The following ANKFN1 variants were observed in gnomAD, a reference collection of about 807,000 sequenced individuals.
ANKFN1 encodes ankyrin repeat and fibronectin type III domain containing 1, also known as ankyrin repeat and fibronectin type-III domain-containing protein 1.
A neutral mutation model predicts 108.7 loss-of-function variants in ANKFN1; 74 were observed. That is an observed-to-expected ratio of 0.68 (90% CI 0.56 to 0.83). ANKFN1 has a LOEUF of 0.83. ANKFN1 is among the 40% of genes least tolerant of loss of function. The pLI, the probability that ANKFN1 is intolerant of heterozygous loss-of-function variation, is 0.00. For synonymous variants in ANKFN1, 547 were observed against 516.2 expected (o/e 1.06, Z -0.81); for missense variants, 1,505 against 1,382.3 (o/e 1.09, Z -1.41).
chr17:56,206,674 A>G (rs1171832459), intron 1 of ANKFN1: 1 of 152,190 alleles, frequency 6.6e-6, no homozygotes, highest in Non-Finnish European at 1.5e-5. Context: ...ACCTGGGAGC[A>G]TAAATAATTG....
At chr17:56,482,097 A>G (rs1239451187) in intron 17 of ANKFN1, among the ~76,000 whole-genome samples, 1 of 152,186 alleles carries the variant, frequency 6.6e-6, no homozygotes, top group Non-Finnish European at 1.5e-5. Flanking sequence ...CATTTTGAAA[A>G]GCCCACAGAA....
intron 4 of ANKFN1, among the ~76,000 whole-genome samples, chr17:56,339,485 A>C (rs975604671): frequency 6.6e-6 from 1 of 151,962 alleles, no homozygotes; most frequent in Non-Finnish European, 1.5e-5. Flanking sequence ...GAAAGGCCCC[A>C]GTATCTCTTG....
chr17:56,483,961 T>C (rs1351619171), intron 18 of ANKFN1, among the ~76,000 whole-genome samples: 1 of 151,998 alleles, frequency 6.6e-6, no homozygotes, highest in Admixed American at 6.6e-5. Flanking sequence ...AAATTGGAAG[T>C]GTTAATATTG....
chr17:56,235,750 A>C (rs562416561), intron 3 of ANKFN1, among the ~76,000 whole-genome samples: 2 of 152,168 alleles, frequency 1.3e-5, no homozygotes, highest in Non-Finnish European at 2.9e-5. Context: ...TATTTTGGTT[A>C]CCGCAGCCCT....
intron 3 of ANKFN1, among the ~76,000 whole-genome samples, chr17:56,256,478 A>T (rs977444064): frequency 3.9e-5 from 6 of 152,146 alleles, no homozygotes; most frequent in Non-Finnish European, 5.9e-5. Flanking sequence ...ACCTGGAGTA[A>T]AGAACAGAAG....
intron 3 of ANKFN1, among the ~76,000 whole-genome samples, chr17:56,259,385 T>G (rs1354917534): frequency 6.6e-6 from 1 of 152,152 alleles, no homozygotes. Context: ...GATTAATGTA[T>G]ATGATATGCC....
rs1181550474 is a variant in ANKFN1, at chr17:56,457,265, A to G, written c.1316A>G (p.Tyr439Cys). 6.3e-7 allele frequency: 1 copy of G among 1,587,132 alleles called. No individual in the cohort carries two copies. The highest frequency in any genetic ancestry group is 8.6e-7 in the Non-Finnish European group (1 of 1,168,080). Residue 439 changes from tyrosine to cysteine, a missense_variant, in exon 13 of 21, where the codon TAC (tyrosine) becomes TGC (cysteine). Tyr to Cys is a radical substitution (Grantham distance 194). Coordinates refer to ENST00000682825, the MANE Select transcript of ANKFN1 (RefSeq NM_001370326.1). ...KFVKTLKRGL[Y>C]IAVIFYYKDN... is the part of the protein sequence containing the mutation. ...TTCCTTTTTCTTTTTAGGGGACTCT[A>G]CATAGCCGTTATATTTTATTACAAA...
chr17:56,478,187 G>A (rs559833521), intron 16 of ANKFN1, among the ~76,000 whole-genome samples: 16 of 152,316 alleles, frequency 1.1e-4, no homozygotes, highest in African/African-American at 3.6e-4. Flanking sequence ...GAAGGCATGA[G>A]CCCATTAAAG....
chr17:56,220,814 GGA>G (rs1915801764), intron 2 of ANKFN1, among the ~76,000 whole-genome samples: 13 of 71,186 alleles, frequency 1.8e-4, no homozygotes, highest in African/African-American at 8.7e-4. Flanking sequence ...GAGGGAGGAA[GGA>G]AGGAAGGAAG....
intron 3 of ANKFN1, among the ~76,000 whole-genome samples, chr17:56,276,679 G>T (rs1293449967): frequency 1.3e-5 from 2 of 152,058 alleles, no homozygotes; most frequent in Non-Finnish European, 2.9e-5. Flanking sequence ...CATATCCTTT[G>T]CCCACTTTCT....
chr17:56,152,258 A>G (rs1021914778), upstream of ANKFN1, among the ~76,000 whole-genome samples: 2,906 of 84,104 alleles, frequency 0.035, 82 homozygotes, highest in African/African-American at 0.099. Context: ...ATATATATAT[A>G]TATATGTGTG....
At chr17:56,158,674 A>T (rs897779032) in intron 1 of ANKFN1, among the ~76,000 whole-genome samples, 5 of 152,182 alleles carry the variant, frequency 3.3e-5, no homozygotes, top group Admixed American at 2.0e-4. Flanking sequence ...GAGGGAGGGG[A>T]TGTTATAGAG....
chr17:56,422,314 G>C (rs1400920482), intron 8 of ANKFN1, among the ~76,000 whole-genome samples: 3 of 151,770 alleles, frequency 2.0e-5, no homozygotes, highest in African/African-American at 7.3e-5. Flanking sequence ...GATTTTCCTA[G>C]CCTTATTGGA....
At position 56,442,846 on chromosome 17, in the gene ANKFN1, C is replaced by CAA. The variant is rs1209645790; in HGVS notation, c.1013_1014dup (p.Gln339AsnfsTer12). 1 of 1,613,374 alleles carries CAA rather than the reference C, an allele frequency of 6.2e-7. No individual in the cohort carries two copies. The highest frequency in any genetic ancestry group is 8.5e-7 in the Non-Finnish European group (1 of 1,179,522). ...GCATCATTTCAATACTTTGCAGGGC[C>CAA]AACAGTATTTTGTTCAAGTCTCGGC... On this transcript the variant is annotated frameshift_variant, in exon 10 of 21. Transcript: ENST00000682825. LOFTEE classifies it high-confidence loss of function.
intron 19 of ANKFN1, among the ~76,000 whole-genome samples, chr17:56,496,773 A>G (rs1225765841): frequency 6.6e-6 from 1 of 152,128 alleles, no homozygotes; most frequent in Non-Finnish European, 1.5e-5. Context: ...GTATCATATC[A>G]AATAATATTC....
intron 15 of ANKFN1, among the ~76,000 whole-genome samples, chr17:56,469,170 G>A (rs2050229968): frequency 6.6e-6 from 1 of 151,988 alleles, no homozygotes; most frequent in South Asian, 2.1e-4. Context: ...GATCCAAGTG[G>A]AAAATTTACC....
At chr17:56,463,186 A>G (rs2049968957) in intron 14 of ANKFN1, among the ~76,000 whole-genome samples, 1 of 152,212 alleles carries the variant, frequency 6.6e-6, no homozygotes. Context: ...CTTTACTGTC[A>G]TTTAATCTTT....
At chr17:56,174,809 C>T (rs769230706) in intron 1 of ANKFN1, among the ~76,000 whole-genome samples, 2 of 152,212 alleles carry the variant, frequency 1.3e-5, no homozygotes, top group Admixed American at 6.5e-5. Context: ...TTTCCCCTCC[C>T]CCAGACTGAA....
chr17:56,313,554 T>C (rs1312179031), intron 3 of ANKFN1, among the ~76,000 whole-genome samples: 5 of 152,230 alleles, frequency 3.3e-5, no homozygotes, highest in Non-Finnish European at 1.5e-5. Flanking sequence ...AGTCCTTTTC[T>C]CTTGGTCCTT....
Sources: allele counts gnomAD v4.1 joint callset (sites outside exome capture counted in the v4.1 genomes callset), GRCh38; gene constraint gnomAD v4.1.1; transcripts MANE v1.5; gene names NCBI Gene and HGNC (gene_info 2026-07-23, HGNC 2026-07-21).